The following SLC45A2 variants were observed in gnomAD, a reference collection of about 807,000 sequenced individuals.
SLC45A2 encodes the protein membrane-associated transporter protein.
In SLC45A2, 36 loss-of-function variants were observed where a neutral mutation model predicts 45.5. That is an observed-to-expected ratio of 0.79 (90% CI 0.61 to 1.04). The LOEUF is 1.04. Ranked by LOEUF, SLC45A2 falls within the 50% of genes least tolerant of loss-of-function variation. SLC45A2 has a pLI of 0.00. For missense variants in SLC45A2, 719 were observed against 671.0 expected (o/e 1.07, Z -0.79); for synonymous variants, 306 against 269.3 (o/e 1.14, Z -1.33).
At chr5:33,945,449 T>A (rs532221686) in intron 6 of SLC45A2, among the ~76,000 whole-genome samples, 2 of 152,218 alleles carry the variant, frequency 1.3e-5, no homozygotes, top group Admixed American at 1.3e-4. Context: ...GCTACTTGAT[T>A]AATATAATAA....
intron 6 of SLC45A2, chr5:33,946,353 T>A: frequency 2.0e-6 from 2 of 985,480 alleles, no homozygotes; most frequent in Non-Finnish European, 2.4e-6. Flanking sequence ...TATAGTCTGA[T>A]GGTTATATGT....
At chr5:33,951,398 A>G (rs1294617365) in intron 5 of SLC45A2, 156 bp downstream of exon 5, 2 of 1,561,744 alleles carry the variant, frequency 1.3e-6, no homozygotes, top group African/African-American at 1.4e-5. Context: ...GATGCTTTAT[A>G]TGGTCCTTTT....
chr5:33,979,200 A>G lies in SLC45A2; in HGVS notation c.562+3036T>C, dbSNP rs147926528. Among the ~76,000 whole-genome samples the G allele has an allele frequency of 1.7e-3, 265 of 152,368 alleles. 1 individual carries two copies. Among genetic ancestry groups the G allele is most frequent in the Middle Eastern group, 3.4e-3 (1 of 294 alleles). ...TTAGGGAGACATCAGACATCAATCA[A>G]TACATGTAAGATGTACATTGGTTTG... is the stretch of plus-strand genomic sequence containing the variant. On this transcript the variant is annotated intron_variant, in intron 2 of 6. Transcript: ENST00000296589.
rs1290584600 is a variant in SLC45A2, at chr5:33,984,412, G to C, written c.172C>G (p.Pro58Ala). 2 of 1,613,498 alleles carry C rather than the reference G, an allele frequency of 1.2e-6. No homozygotes were observed. The highest frequency in any genetic ancestry group is 1.3e-5 in the African/African-American group (1 of 75,044). ...CYAVEAAYVT[P>A]VLLSVGLPSS... The stretch of plus-strand genomic sequence containing the variant: ...GGCAGACCTACGCTGAGCAGGACTG[G>C]GGTCACATACGCTGCCTCCACCGCG... Residue 58 changes from proline (P) to alanine (A), a missense_variant, in exon 1 of 7, where the codon CCA becomes GCA. Transcript: ENST00000296589.
intron 2 of SLC45A2, among the ~76,000 whole-genome samples, chr5:33,971,849 A>G (rs61709142): frequency 0.014 from 2,129 of 152,046 alleles, 57 homozygotes; most frequent in African/African-American, 0.05. Context: ...CTGGTCTCGA[A>G]CTCCCGACCT....
intron 2 of SLC45A2, among the ~76,000 whole-genome samples, chr5:33,966,497 G>A (rs930858694): frequency 6.9e-6 from 1 of 145,054 alleles, no homozygotes; most frequent in African/African-American, 2.6e-5. Context: ...GCGGACTGCA[G>A]TGGCGCAATC....
rs772667023 is a variant in SLC45A2, at chr5:33,963,684, T to A, written c.888+7A>T. On this transcript the variant is annotated splice_region_variant and intron_variant, in intron 3 of 6. Transcript: ENST00000296589. ...TCCCTTGTAAAGAAAAAATGTTGCA[T>A]CTTTACCTGTTCAGCATGATTTTTG... is the stretch of plus-strand genomic sequence containing the variant. 2 of 1,613,580 alleles carry A rather than the reference T, an allele frequency of 1.2e-6. No individual in the cohort carries two copies. Among genetic ancestry groups the A allele is most frequent in the South Asian group, 2.2e-5 (2 of 91,068 alleles).
intron 4 of SLC45A2, among the ~76,000 whole-genome samples, chr5:33,953,205 T>A (rs1752169308): frequency 6.7e-6 from 1 of 148,290 alleles, no homozygotes. Flanking sequence ...TTTGGGTATA[T>A]ACCCAGTAAT....
chr5:33,947,395 GA>G (rs1268797506), intron 5 of SLC45A2, 21 bp from the exon 6 acceptor site: 10 of 1,602,804 alleles, frequency 6.2e-6, no homozygotes, highest in African/African-American at 1.3e-5. Flanking sequence ...AAGAGAGGGA[GA>G]AATTACAGCT....
intron 6 of SLC45A2, 102 bp downstream of exon 6, chr5:33,947,061 A>G: frequency 2.5e-6 from 4 of 1,612,066 alleles, no homozygotes; most frequent in Non-Finnish European, 2.5e-6. Flanking sequence ...TGTTTCAAGA[A>G]CCCTTATTTT....
intron 2 of SLC45A2, among the ~76,000 whole-genome samples, chr5:33,981,833 G>T (rs543889865): frequency 1.3e-5 from 2 of 152,142 alleles, no homozygotes; most frequent in Non-Finnish European, 2.9e-5. Flanking sequence ...TCTGGGCCCC[G>T]CCTTAGACTC....
chr5:33,982,561 A>C (rs1237183403), intron 1 of SLC45A2, 149 bp from the exon 2 acceptor site: 1 of 804,228 alleles, frequency 1.2e-6, no homozygotes, highest in Non-Finnish European at 2.0e-6. Flanking sequence ...ATTTTTTTTC[A>C]GGTTTTAAAA....
intron 6 of SLC45A2, chr5:33,946,471 GA>G: frequency 1.0e-6 from 1 of 985,674 alleles, no homozygotes; most frequent in Non-Finnish European, 1.2e-6. Context: ...TTCACAGGAA[GA>G]AAGTTGCAAA....
chr5:33,955,565 T>A (rs1422342369), intron 3 of SLC45A2, among the ~76,000 whole-genome samples: 2 of 152,074 alleles, frequency 1.3e-5, no homozygotes, highest in African/African-American at 2.4e-5. Flanking sequence ...TGAATCCTAA[T>A]GATAGCAGAA....
chr5:33,983,376 G>A (rs78023399), intron 1 of SLC45A2, among the ~76,000 whole-genome samples: 5 of 152,080 alleles, frequency 3.3e-5, no homozygotes, highest in African/African-American at 4.8e-5. Flanking sequence ...AAGTCTACCC[G>A]CCACTTCTCA....
chr5:33,947,429 T>A (rs1256999074), intron 5 of SLC45A2, 55 bp from the exon 6 acceptor site: 1 of 1,466,630 alleles, frequency 6.8e-7, no homozygotes, highest in Non-Finnish European at 9.6e-7. Context: ...TAACATTTAA[T>A]AATTTCAGAC....
At chr5:33,957,551 A>ATAAC (rs1752312751) in intron 3 of SLC45A2, among the ~76,000 whole-genome samples, 1 of 152,302 alleles carries the variant, frequency 6.6e-6, no homozygotes, top group Non-Finnish European at 1.5e-5. Flanking sequence ...TTGAAGGAAA[A>ATAAC]TAACTGTTTT....
intron 3 of SLC45A2, among the ~76,000 whole-genome samples, chr5:33,956,844 G>A (rs936411609): frequency 5.9e-5 from 9 of 152,100 alleles, no homozygotes; most frequent in African/African-American, 2.2e-4. Flanking sequence ...GGGCTAAACG[G>A]CTGGTATCAT....
intron 5 of SLC45A2, among the ~76,000 whole-genome samples, chr5:33,951,187 C>A (rs112944602): frequency 1.6e-4 from 24 of 152,286 alleles, no homozygotes; most frequent in Non-Finnish European, 3.1e-4. Context: ...GTATCATCTA[C>A]AAATCTGATA....
Sources: gnomAD v4.1 joint callset for allele counts (sites outside exome capture counted in the v4.1 genomes callset) on GRCh38, gnomAD v4.1.1 for gene constraint, MANE v1.5 for transcripts, NCBI Gene and HGNC (gene_info 2026-07-23, HGNC 2026-07-21) for gene names.